PHF24: variants seen among roughly 807,000 people sequenced by gnomAD.
PHF24 encodes the protein PHD finger protein 24, also known as Galpha inhibitory interacting protein.
A neutral mutation model predicts 42.6 loss-of-function variants in PHF24; 25 were observed. The ratio of observed to expected loss-of-function variants is 0.59; its 90% CI spans 0.43 to 0.82. The LOEUF (loss-of-function observed/expected upper bound fraction) is 0.82, where lower values mean the gene tolerates loss of function less well. Among genes scored for constraint, PHF24 ranks in the 40% least tolerant of loss-of-function variants. The pLI, the probability that PHF24 is intolerant of heterozygous loss-of-function variation, is 0.00. For missense variants in PHF24, 470 were observed against 538.1 expected, an observed-to-expected ratio of 0.87 and a Z score of 1.25; for synonymous variants, 185 against 204.8, an observed-to-expected ratio of 0.90 and a Z score of 0.83.
At chr9:34,730,112 C>A in the PHF24 span, among the ~76,000 whole-genome samples, 1 of 152,098 alleles carries the variant, frequency 6.6e-6, no homozygotes, top group Non-Finnish European at 1.5e-5. Context: ...GAGATGAATG[C>A]CTGCAGAGAT....
the PHF24 span, among the ~76,000 whole-genome samples, chr9:34,942,702 G>A: frequency 1.3e-5 from 2 of 151,930 alleles, no homozygotes; most frequent in Non-Finnish European, 2.9e-5. Flanking sequence ...CCTTTACAGG[G>A]ACATGGATGA....
chr9:34,719,349 A>T, the PHF24 span, among the ~76,000 whole-genome samples: 1 of 152,010 alleles, frequency 6.6e-6, no homozygotes, highest in Non-Finnish European at 1.5e-5. Flanking sequence ...TGAAGTAGTA[A>T]TTTCTTGAGT....
the PHF24 span, among the ~76,000 whole-genome samples, chr9:34,920,804 T>C: frequency 2.0e-5 from 3 of 152,226 alleles, no homozygotes; most frequent in African/African-American, 7.2e-5. Context: ...TCAGATTGTT[T>C]GCTGTTAGCA....
At chr9:34,816,572 A>T in the PHF24 span, among the ~76,000 whole-genome samples, 3 of 152,276 alleles carry the variant, frequency 2.0e-5, no homozygotes, top group Non-Finnish European at 4.4e-5. Flanking sequence ...GTTTATAGAT[A>T]GTGCCTTCTC....
upstream of PHF24, among the ~76,000 whole-genome samples, chr9:34,956,096 C>G (rs1327933869): frequency 2.6e-5 from 4 of 152,184 alleles, no homozygotes; most frequent in African/African-American, 9.6e-5. Context: ...TTTCATTCCT[C>G]TATTGCGCAC....
At chr9:34,860,135 A>G in the PHF24 span, among the ~76,000 whole-genome samples, 21 of 152,344 alleles carry the variant, frequency 1.4e-4, no homozygotes, top group East Asian at 4.1e-3. Context: ...ACCACAGTCT[A>G]GAAACTGTCT....
the PHF24 span, among the ~76,000 whole-genome samples, chr9:34,915,291 C>T: frequency 3.3e-5 from 5 of 152,118 alleles, no homozygotes; most frequent in Middle Eastern, 3.4e-3. Flanking sequence ...CTAACATGTG[C>T]GTCTGCTTTT....
At chr9:34,851,983 A>G in the PHF24 span, among the ~76,000 whole-genome samples, 2 of 152,150 alleles carry the variant, frequency 1.3e-5, no homozygotes, top group Non-Finnish European at 2.9e-5. Flanking sequence ...TGAGTAACAC[A>G]GTTTCGAACT....
the PHF24 span, among the ~76,000 whole-genome samples, chr9:34,942,232 C>T: frequency 6.6e-6 from 1 of 152,200 alleles, no homozygotes; most frequent in Admixed American, 6.5e-5. Context: ...CCATTGAAAG[C>T]TGGCAGCCTT....
At chr9:34,822,580 G>C in the PHF24 span, among the ~76,000 whole-genome samples, 2 of 152,178 alleles carry the variant, frequency 1.3e-5, no homozygotes, top group Non-Finnish European at 2.9e-5. Context: ...GATGTCATGA[G>C]CTTAGTGTGT....
At chr9:34,802,400 A>AT in the PHF24 span, among the ~76,000 whole-genome samples, 5 of 151,542 alleles carry the variant, frequency 3.3e-5, no homozygotes, top group East Asian at 1.9e-4. Flanking sequence ...CTTCCCTTAG[A>AT]TTTTTTTTTC....
chr9:34,741,901 G>C, the PHF24 span, among the ~76,000 whole-genome samples: 2 of 152,080 alleles, frequency 1.3e-5, no homozygotes, highest in Non-Finnish European at 2.9e-5. Context: ...TTTTAAATGG[G>C]GGGGTGGGGA....
the PHF24 span, chr9:34,709,769 C>T: frequency 1.2e-6 from 2 of 1,612,540 alleles, no homozygotes; most frequent in South Asian, 2.2e-5. Flanking sequence ...CCCTTTGTGT[C>T]CACTCACAGG....
At chr9:34,738,845 C>A in the PHF24 span, among the ~76,000 whole-genome samples, 1 of 152,182 alleles carries the variant, frequency 6.6e-6, no homozygotes, top group Admixed American at 6.5e-5. Flanking sequence ...CATGCTTATA[C>A]CTAGAGCAGC....
the PHF24 span, among the ~76,000 whole-genome samples, chr9:34,731,607 A>G: frequency 6.6e-6 from 1 of 152,280 alleles, no homozygotes; most frequent in East Asian, 1.9e-4. Flanking sequence ...AGTTCCATTC[A>G]TGTTGTTGCA....
the PHF24 span, among the ~76,000 whole-genome samples, chr9:34,892,387 A>G: frequency 6.6e-6 from 1 of 152,198 alleles, no homozygotes; most frequent in African/African-American, 2.4e-5. Context: ...AGTGAAAGAA[A>G]TGGCTGTTTG....
the PHF24 span, among the ~76,000 whole-genome samples, chr9:34,720,962 C>T: frequency 1.1e-4 from 17 of 152,302 alleles, no homozygotes; most frequent in African/African-American, 2.6e-4. Context: ...GTTCTCCATA[C>T]GGTTCCCCCT....
the PHF24 span, among the ~76,000 whole-genome samples, chr9:34,745,354 G>A: frequency 6.6e-6 from 1 of 152,154 alleles, no homozygotes; most frequent in Non-Finnish European, 1.5e-5. Flanking sequence ...CCATCAATCA[G>A]CTTCATTTTA....
the PHF24 span, among the ~76,000 whole-genome samples, chr9:34,865,069 C>A: frequency 6.8e-6 from 1 of 147,754 alleles, no homozygotes; most frequent in African/African-American, 2.5e-5. Flanking sequence ...GTCCCAGCTA[C>A]TCAGGAGGCT....
Sources: allele counts gnomAD v4.1 joint callset (sites outside exome capture counted in the v4.1 genomes callset), GRCh38; gene constraint gnomAD v4.1.1; transcripts MANE v1.5; gene names NCBI Gene and HGNC (gene_info 2026-07-23, HGNC 2026-07-21).